Variants in BCAS3 observed in about 807,000 individuals in gnomAD.
The protein encoded by BCAS3 is BCAS4/BCAS3 fusion.
BCAS3 carries 53 observed loss-of-function variants against 116.1 expected under a neutral mutation model. The ratio of observed to expected loss-of-function variants is 0.46; its 90% confidence interval spans 0.37 to 0.57. The LOEUF (loss-of-function observed/expected upper bound fraction) is 0.57, where lower values mean the gene tolerates loss of function less well. Ranked by LOEUF, BCAS3 falls within the 20% of genes least tolerant of loss-of-function variation. The pLI, the probability that BCAS3 is intolerant of heterozygous loss-of-function variation, is 0.00. For synonymous variants in BCAS3, 391 were observed against 408.2 expected (o/e 0.96, Z 0.51); for missense variants, 917 against 1,165.4 (o/e 0.79, Z 3.10).
chr17:60,734,309 T>C (rs1185592383), intron 5 of BCAS3, among the ~76,000 whole-genome samples: 2 of 152,204 alleles, frequency 1.3e-5, no homozygotes, highest in Non-Finnish European at 2.9e-5. Context: ...TTTAGATTTT[T>C]AGTAGAGATG....
In BCAS3 at chr17:61,343,364, A is replaced by G. The variant is rs1279409450; in HGVS notation, c.2426-24963A>G. 1.3e-5 allele frequency among the ~76,000 whole-genome samples: 2 copies of G among 152,146 alleles called. No homozygotes were observed. Among genetic ancestry groups the G allele is most frequent in the East Asian group, 3.9e-4 (2 of 5,192 alleles). Reference sequence around the variant, plus strand: ...CAGGTCTCCGTCCTGTTCTCTAAGTACCAATGGTCAGGCAGACACACCGAC... The same window carrying G: ...CAGGTCTCCGTCCTGTTCTCTAAGTGCCAATGGTCAGGCAGACACACCGAC... On this transcript the variant is annotated intron_variant, in intron 22 of 23. Coordinates refer to ENST00000407086, the MANE Select transcript of BCAS3 (RefSeq NM_017679.5). The surrounding 1 kb of genome is among the most constrained non-coding windows in gnomAD (Gnocchi z 5.5).
chr17:61,228,662 G>A lies in BCAS3; in HGVS notation c.2426-139665G>A, dbSNP rs1165259067. 6.6e-6 allele frequency among the ~76,000 whole-genome samples: 1 copy of A among 152,206 alleles called. No homozygotes were observed. The highest frequency in any genetic ancestry group is 1.5e-5 in the Non-Finnish European group (1 of 68,046). On this transcript the variant is annotated intron_variant, in intron 22 of 23. Coordinates refer to ENST00000407086, the MANE Select transcript of BCAS3 (RefSeq NM_017679.5). The surrounding 1 kb of genome is among the most constrained non-coding windows in gnomAD (Gnocchi z 5.0). Reference sequence around the variant, plus strand: ...TGTAATCGTTTGGGGGCACCCTCAAGCTATGCCCATGTAAAACAGCAAACT... The same window carrying A: ...TGTAATCGTTTGGGGGCACCCTCAAACTATGCCCATGTAAAACAGCAAACT...
intron 22 of BCAS3, among the ~76,000 whole-genome samples, chr17:61,245,750 A>G (rs933629919): frequency 6.6e-6 from 1 of 152,154 alleles, no homozygotes; most frequent in African/African-American, 2.4e-5. Flanking sequence ...AGCAGTTCCT[A>G]AGGGAGCACC....
intron 6 of BCAS3, among the ~76,000 whole-genome samples, chr17:60,794,166 G>A (rs2047016661): frequency 6.6e-6 from 1 of 152,088 alleles, no homozygotes; most frequent in Admixed American, 6.6e-5. Context: ...TAGTGGTATT[G>A]AGCATTTTTT....
chr17:60,979,995 A>T (rs2062690316), intron 14 of BCAS3, among the ~76,000 whole-genome samples: 1 of 152,008 alleles, frequency 6.6e-6, no homozygotes, highest in Non-Finnish European at 1.5e-5. Flanking sequence ...TGGTATCAGG[A>T]TGATGCTGGC....
chr17:61,034,797 A>G lies in BCAS3; in HGVS notation c.1762+7A>G. On this transcript the variant is annotated splice_region_variant and intron_variant, in intron 17 of 23. Coordinates refer to ENST00000407086, the MANE Select transcript of BCAS3 (RefSeq NM_017679.5). This position sits in a 1 kb window ranked among gnomAD's most constrained non-coding sequence, Gnocchi z 5.0. ...GGTCTGAAAAGAGAAAAAGGTATGT[A>G]TTTTTACTGAAAAATGAATGCTCTA... 2 of 1,584,910 alleles carry G rather than the reference A, an allele frequency of 1.3e-6. No homozygotes were observed. Among genetic ancestry groups the G allele is most frequent in the South Asian group, 1.2e-5 (1 of 85,436 alleles).
In BCAS3 at chr17:61,130,515, A is replaced by G. The variant is rs2076274364; in HGVS notation, c.2425+45951A>G. On this transcript the variant is annotated intron_variant, in intron 22 of 23. Transcript: ENST00000407086. The surrounding 1 kb of genome is among the most constrained non-coding windows in gnomAD (Gnocchi z 5.0). ...CTAACCCTGCCACCTCCCCCAGTTT[A>G]TGTTACGTAATATGGTGAGAATCTT... Among the ~76,000 whole-genome samples the G allele has an allele frequency of 6.6e-6, 1 of 152,118 alleles. No individual in the cohort carries two copies. The highest frequency in any genetic ancestry group is 1.5e-5 in the Non-Finnish European group (1 of 68,012).
At chr17:60,758,380 C>G (rs2043195558) in intron 6 of BCAS3, among the ~76,000 whole-genome samples, 1 of 151,980 alleles carries the variant, frequency 6.6e-6, no homozygotes, top group Non-Finnish European at 1.5e-5. Context: ...TTTTGAGTCT[C>G]TATTTTATTT....
rs866510705 is a variant in BCAS3 at position 61,137,124 on chromosome 17, A to C, written c.2425+52560A>C. ...TGCAACTGATTTTGTCATATACTGT[A>C]CTCATTGATGCCAAATATATATATC... On this transcript the variant is annotated intron_variant, in intron 22 of 23. Coordinates refer to ENST00000407086, the MANE Select transcript of BCAS3 (RefSeq NM_017679.5). 9.9e-5 allele frequency among the ~76,000 whole-genome samples: 15 copies of C among 152,100 alleles called. No individual in the cohort carries two copies. The South Asian group carries it at 1.2e-3, about 13-fold the overall frequency.
intron 13 of BCAS3, among the ~76,000 whole-genome samples, chr17:60,938,075 C>T (rs1023099677): frequency 1.3e-5 from 2 of 151,920 alleles, no homozygotes. Context: ...ACTGCCATCT[C>T]CGTAGAGACG....
chr17:61,151,521 A>G lies in BCAS3; in HGVS notation c.2425+66957A>G, dbSNP rs562015494. On this transcript the variant is annotated intron_variant, in intron 22 of 23. Transcript: ENST00000407086. This position sits in a 1 kb window ranked among gnomAD's most constrained non-coding sequence, Gnocchi z 4.8. ...TTCACTCTGTCACCCAGACTGGGGT[A>G]CGTGGCACAATCATGACTCACTGCA... Among the ~76,000 whole-genome samples the G allele has an allele frequency of 4.0e-5, 6 of 151,888 alleles. No homozygotes were observed. The East Asian group carries it at 9.7e-4, about 25-fold the overall frequency.
intron 22 of BCAS3, among the ~76,000 whole-genome samples, chr17:61,110,040 T>C (rs1344803720): frequency 6.6e-6 from 1 of 152,236 alleles, no homozygotes; most frequent in African/African-American, 2.4e-5. Flanking sequence ...AAGGGTTTCT[T>C]CTGATGTTAT....
At chr17:61,048,237 G>T (rs765917797) in intron 19 of BCAS3, among the ~76,000 whole-genome samples, 5 of 151,982 alleles carry the variant, frequency 3.3e-5, no homozygotes, top group Non-Finnish European at 5.9e-5. Context: ...TTCCCAACAA[G>T]ATGGACTAAC....
intron 14 of BCAS3, among the ~76,000 whole-genome samples, chr17:60,963,500 G>C (rs1291266532): frequency 1.3e-5 from 2 of 149,918 alleles, no homozygotes; most frequent in Non-Finnish European, 3.0e-5. Context: ...AAATGGGATT[G>C]CTTTCTTGAT....
At chr17:60,957,585 TTA>T (rs2061202821) in intron 14 of BCAS3, among the ~76,000 whole-genome samples, 1 of 152,208 alleles carries the variant, frequency 6.6e-6, no homozygotes, top group Non-Finnish European at 1.5e-5. Context: ...GTGGTTTTTG[TTA>T]TGTTTTTACA....
At position 61,018,290 on chromosome 17, in the gene BCAS3, G is replaced by GTTTT. The variant is rs10570881; in HGVS notation, c.1637+2415_1637+2418dup. 3.1e-4 allele frequency among the ~76,000 whole-genome samples: 26 copies of GTTTT among 83,058 alleles called. 1 individual carries two copies. Among genetic ancestry groups the GTTTT allele is most frequent in the East Asian group, 4.5e-4 (1 of 2,238 alleles). 54.5% of individuals were successfully genotyped at this position (83,058 alleles called of 152,430 possible). The stretch of plus-strand genomic sequence containing the variant: ...AATTCTTGTCTACCCAAATTCCCCA[G>GTTTT]TTTTTTTTTTTTTTTTTTTTTTTTT... On this transcript the variant is annotated intron_variant, in intron 16 of 23. Transcript: ENST00000407086.
Position 61,074,926 on chromosome 17 carries a change from C to G in BCAS3, c.2036C>G (p.Pro679Arg), listed in dbSNP as rs755510848. Reference protein sequence around the residue: ...YYQFLLAGLVPPGSPGPITRH... With the variant: ...YYQFLLAGLVRPGSPGPITRH... ...TATTTTCTTTCTCCTATAGTGGTTC[C>G]CCCTGGAAGTCCTGGGCCCATTACT... Residue 679 changes from proline to arginine, a missense_variant, in exon 20 of 24, where the codon CCC becomes CGC. Pro to Arg is a moderately radical substitution (Grantham distance 103). Transcript: ENST00000407086. 1 of 1,609,902 alleles carries G rather than the reference C, an allele frequency of 6.2e-7. No homozygotes were observed. The highest frequency in any genetic ancestry group is 8.5e-7 in the Non-Finnish European group (1 of 1,177,048).
intron 19 of BCAS3, among the ~76,000 whole-genome samples, chr17:61,044,130 A>G (rs2067782566): frequency 6.6e-6 from 1 of 151,920 alleles, no homozygotes; most frequent in South Asian, 2.1e-4. Flanking sequence ...AAGTTTACTG[A>G]TGTTTTTGAC....
chr17:60,683,963 C>G lies in BCAS3; in HGVS notation c.84-19C>G. On this transcript the variant is annotated intron_variant, in intron 2 of 23. Coordinates refer to ENST00000407086, the MANE Select transcript of BCAS3 (RefSeq NM_017679.5). ...ATTAAGCTCTCCTGACCAGTGTTGTCCATTTCACCCTTTTCCAGAGAGCAG... is the reference window on the plus strand; with the variant it reads ...ATTAAGCTCTCCTGACCAGTGTTGTGCATTTCACCCTTTTCCAGAGAGCAG... 1 of 1,609,428 alleles carries G rather than the reference C, an allele frequency of 6.2e-7. No homozygotes were observed. The highest frequency in any genetic ancestry group is 8.5e-7 in the Non-Finnish European group (1 of 1,176,076).
Sources: gnomAD v4.1 joint callset for allele counts (sites outside exome capture counted in the v4.1 genomes callset) on GRCh38, gnomAD v4.1.1 for gene constraint, Gnocchi (gnomAD v3.1) non-coding constraint, MANE v1.5 for transcripts, NCBI Gene and HGNC (gene_info 2026-07-23, HGNC 2026-07-21) for gene names.